Variants in ZBTB7C observed in about 807,000 individuals in gnomAD.
The protein encoded by ZBTB7C is zinc finger and BTB domain containing 7C.
Under a neutral mutation model 25.7 loss-of-function variants are expected in ZBTB7C, and 8 were observed. The ratio of observed to expected loss-of-function variants is 0.31; its 90% CI spans 0.18 to 0.56. The LOEUF (loss-of-function observed/expected upper bound fraction) is 0.56. ZBTB7C is among the 20% of genes least tolerant of loss of function. The pLI is 0.91. For synonymous variants in ZBTB7C, 394 were observed against 369.0 expected, an observed-to-expected ratio of 1.07 and a Z score of -0.78; for missense variants, 824 against 855.2, an observed-to-expected ratio of 0.96 and a Z score of 0.46.
At chr18:48,385,219 T>C (rs899442926) in intron 1 of ZBTB7C, among the ~76,000 whole-genome samples, 2 of 152,230 alleles carry the variant, frequency 1.3e-5, no homozygotes. Context: ...ATTTTGTATA[T>C]ACCTTATTCC....
rs552058236 is a variant in ZBTB7C, at chr18:48,298,610, T to C, written c.-79+39564A>G. 8.5e-5 allele frequency among the ~76,000 whole-genome samples: 13 copies of C among 152,314 alleles called. No individual in the cohort carries two copies. The South Asian group carries it at 2.1e-3, about 24-fold the overall frequency. ...CCTTACCACTCATGCACTTTGGTGA[T>C]AGTCCCAGCCCCACATTCAACATTT... On this transcript the variant is annotated intron_variant, in intron 2 of 4. Transcript: ENST00000590800.
At chr18:48,326,143 T>G (rs1446484959) in intron 2 of ZBTB7C, among the ~76,000 whole-genome samples, 1 of 148,256 alleles carries the variant, frequency 6.7e-6, no homozygotes, top group Non-Finnish European at 1.5e-5. Context: ...TCACCAACTC[T>G]GGAGTGCAGT....
intron 2 of ZBTB7C, among the ~76,000 whole-genome samples, chr18:48,296,872 G>A (rs2045409642): frequency 6.6e-6 from 1 of 152,210 alleles, no homozygotes; most frequent in African/African-American, 2.4e-5. Flanking sequence ...AACCATGCAT[G>A]TGAGCAGATG....
chr18:48,167,563 G>GGGGGGTGT (rs1555705394), intron 3 of ZBTB7C, among the ~76,000 whole-genome samples: 2 of 142,484 alleles, frequency 1.4e-5, no homozygotes, highest in South Asian at 4.5e-4. Flanking sequence ...GCATTGCTAG[G>GGGGGGTGT]GTGTGTGTGT....
intron 3 of ZBTB7C, among the ~76,000 whole-genome samples, chr18:48,101,961 T>TAAGTAGAC (rs1373577461): frequency 1.3e-5 from 2 of 152,120 alleles, no homozygotes; most frequent in African/African-American, 2.4e-5. Flanking sequence ...CCTTCTTAAA[T>TAAGTAGAC]AAGTAGACAT....
At chr18:48,392,458 C>A (rs572199392) in intron 1 of ZBTB7C, among the ~76,000 whole-genome samples, 3 of 152,310 alleles carry the variant, frequency 2.0e-5, no homozygotes, top group African/African-American at 7.2e-5. Flanking sequence ...TGTTTGGCCT[C>A]ATTTCTTGCT....
intron 4 of ZBTB7C, among the ~76,000 whole-genome samples, chr18:48,033,831 T>C (rs998825381): frequency 6.6e-5 from 10 of 152,166 alleles, no homozygotes; most frequent in Non-Finnish European, 1.3e-4. Flanking sequence ...GTGACGTGCA[T>C]TGGAGCTGGA....
intron 3 of ZBTB7C, among the ~76,000 whole-genome samples, chr18:48,051,388 C>A (rs1286699584): frequency 6.6e-6 from 1 of 152,146 alleles, no homozygotes; most frequent in African/African-American, 2.4e-5. Context: ...ACCTAGAGGA[C>A]CCCCTTCGTC....
At chr18:48,042,137 A>C (rs1280282608) in intron 3 of ZBTB7C, among the ~76,000 whole-genome samples, 1 of 152,224 alleles carries the variant, frequency 6.6e-6, no homozygotes, top group Non-Finnish European at 1.5e-5. Context: ...AGGGGCGTCC[A>C]AGGAGAGAAT....
At chr18:48,109,808 CA>C (rs558723932) in intron 3 of ZBTB7C, among the ~76,000 whole-genome samples, 1 of 152,042 alleles carries the variant, frequency 6.6e-6, no homozygotes, top group Admixed American at 6.5e-5. Context: ...GCTCTATTTT[CA>C]AAAAAGACAA....
chr18:48,368,514 G>A (rs906072195), intron 1 of ZBTB7C, among the ~76,000 whole-genome samples: 2 of 152,114 alleles, frequency 1.3e-5, no homozygotes, highest in Non-Finnish European at 2.9e-5. Context: ...GGAGAAAACG[G>A]GTAGAGCTGA....
intron 3 of ZBTB7C, chr18:48,137,483 T>A (rs1054135712): frequency 4.2e-5 from 9 of 213,534 alleles, no homozygotes; most frequent in African/African-American, 7.1e-5. Flanking sequence ...AGGGAGGCTT[T>A]TTATTATTAT....
intron 3 of ZBTB7C, among the ~76,000 whole-genome samples, chr18:48,056,481 A>G (rs9959819): frequency 0.37 from 55,560 of 152,082 alleles, 10,361 homozygotes; most frequent in East Asian, 0.43. Flanking sequence ...ATGAAGACAC[A>G]TTAGAAAGCC....
rs567837100 is a variant in ZBTB7C at position 48,156,282 on chromosome 18, C to T, written c.-17+29652G>A. ...ACACGGCATGGCGATAGACTTAGTA[C>T]TAAGATGCTGGCAGCCAAGAGGAGG... On this transcript the variant is annotated intron_variant, in intron 3 of 4. Transcript: ENST00000590800. 3.9e-5 allele frequency among the ~76,000 whole-genome samples: 6 copies of T among 152,348 alleles called. No homozygotes were observed. In the South Asian group the frequency reaches 1.2e-3, roughly 32 times the overall value.
rs1219838151 is a variant in ZBTB7C, at chr18:48,029,225, G to A, written c.*35C>T. 6.6e-7 allele frequency: 1 copy of A among 1,518,024 alleles called. No individual in the cohort carries two copies. Among genetic ancestry groups the A allele is most frequent in the Non-Finnish European group, 8.8e-7 (1 of 1,142,832 alleles). The allele number at this position is 1,518,024 out of a possible 1,614,324, so 94.0% of individuals were successfully genotyped here. A position where few individuals can be genotyped will look rare whatever the true frequency, so the allele number is the denominator to read the frequency against. On this transcript the variant is annotated 3_prime_UTR_variant, in exon 5 of 5. Transcript: ENST00000590800. ...GAGTGGGCCTGGAGGGAGAAGGACT[G>A]GAGGGCTGGTGGGCTGGAGCCGACA... is the stretch of plus-strand genomic sequence containing the variant.
chr18:48,259,835 A>G (rs1944586), intron 2 of ZBTB7C, among the ~76,000 whole-genome samples: 68,587 of 152,060 alleles, frequency 0.45, 15,567 homozygotes, highest in Middle Eastern at 0.55. Flanking sequence ...CAATTAGAAT[A>G]GTGAAAATAA....
At chr18:48,102,517 A>G (rs1377919361) in intron 3 of ZBTB7C, among the ~76,000 whole-genome samples, 1 of 150,166 alleles carries the variant, frequency 6.7e-6, no homozygotes, top group African/African-American at 2.5e-5. Context: ...GTGAGCTGCA[A>G]TTGCTCCATT....
At position 48,095,627 on chromosome 18, in the gene ZBTB7C, A is replaced by G. The variant is rs150559121; in HGVS notation, c.-16-54504T>C. ...CTCCAGAGGCTGAGGCAGGAGAATC[A>G]CTTGAACCTGGGAGGTAGAGATTGC... On this transcript the variant is annotated intron_variant, in intron 3 of 4. Coordinates refer to ENST00000590800, the MANE Select transcript of ZBTB7C (RefSeq NM_001318841.2). 3.8e-3 allele frequency among the ~76,000 whole-genome samples: 575 copies of G among 152,126 alleles called. 4 individuals carry two copies. Among genetic ancestry groups the G allele is most frequent in the African/African-American group, 0.013 (544 of 41,494 alleles).
intron 2 of ZBTB7C, among the ~76,000 whole-genome samples, chr18:48,315,339 G>A (rs1407187564): frequency 1.3e-5 from 2 of 152,182 alleles, no homozygotes; most frequent in Non-Finnish European, 2.9e-5. Context: ...AATGGCGGAA[G>A]GTTTTCTGTG....
Sources: allele counts gnomAD v4.1 joint callset (sites outside exome capture counted in the v4.1 genomes callset), GRCh38; gene constraint gnomAD v4.1.1; transcripts MANE v1.5; gene names NCBI Gene and HGNC (gene_info 2026-07-23, HGNC 2026-07-21).